FRMD4A: variants seen among roughly 807,000 people sequenced by gnomAD.
FRMD4A encodes FERM domain-containing protein 4A.
In FRMD4A, 29 loss-of-function variants were observed where a neutral mutation model predicts 129.1. That is an observed-to-expected ratio of 0.22 (90% CI 0.17 to 0.31). The LOEUF is 0.31. Among genes scored for constraint, FRMD4A ranks in the 10% least tolerant of loss-of-function variants. The pLI, the probability that FRMD4A is intolerant of heterozygous loss-of-function variation, is 1.00. For missense variants in FRMD4A, 1,272 were observed against 1,375.8 expected (o/e 0.92, Z 1.19); for synonymous variants, 634 against 571.6 (o/e 1.11, Z -1.56).
Position 13,646,938 on chromosome 10 carries a change from C to A in FRMD4A, c.*100G>T. On this transcript the variant is annotated 3_prime_UTR_variant, in exon 25 of 25. Transcript: ENST00000357447. ...TCAGATTAGGCCGGGCTGGCTCACA[C>A]GAGGGTCCCGGGCTTGGCTTTTTCC... 1 of 966,810 alleles carries A rather than the reference C, an allele frequency of 1.0e-6. No homozygotes were observed. The highest frequency in any genetic ancestry group is 1.2e-6 in the Non-Finnish European group (1 of 812,442). The allele number at this position is 966,810 out of a possible 1,614,324, so 59.9% of individuals were successfully genotyped here.
rs78402448 is a variant in FRMD4A at position 13,895,342 on chromosome 10, G to T, written c.46-36430C>A. ...TTATAAATGAGAACATGCAGAATTTGGTTTCTTCCTATGTTAGTTTGCTAA... is the reference window on the plus strand; with the variant it reads ...TTATAAATGAGAACATGCAGAATTTTGTTTCTTCCTATGTTAGTTTGCTAA... On this transcript the variant is annotated intron_variant, in intron 2 of 24. Coordinates refer to ENST00000357447, the MANE Select transcript of FRMD4A (RefSeq NM_018027.5). Among the ~76,000 whole-genome samples the T allele has an allele frequency of 5.7e-3, 874 of 152,178 alleles. 6 individuals carry two copies. The highest frequency in any genetic ancestry group is 9.6e-3 in the Non-Finnish European group (653 of 68,000).
chr10:13,931,986 C>CCAAG (rs1254467362), intron 2 of FRMD4A, among the ~76,000 whole-genome samples: 1 of 151,972 alleles, frequency 6.6e-6, no homozygotes, highest in African/African-American at 2.4e-5. Flanking sequence ...AACAAACCAA[C>CCAAG]CAACCAACCC....
chr10:13,702,125 G>A (rs371524875), intron 13 of FRMD4A, among the ~76,000 whole-genome samples: 18 of 152,214 alleles, frequency 1.2e-4, no homozygotes, highest in African/African-American at 4.1e-4. Flanking sequence ...AGGCTGGAGC[G>A]TGCTGGCAAG....
intron 2 of FRMD4A, among the ~76,000 whole-genome samples, chr10:13,904,059 C>T (rs1394160269): frequency 6.6e-6 from 1 of 152,314 alleles, no homozygotes; most frequent in East Asian, 1.9e-4. Flanking sequence ...ATCTCTCACA[C>T]CCCGAGTGAA....
chr10:13,747,700 G>A, intron 9 of FRMD4A, 36 bp downstream of exon 9: 1 of 1,130,488 alleles, frequency 8.8e-7, no homozygotes, highest in Admixed American at 1.7e-5. Context: ...CACCCCGAGA[G>A]GGACTCGCTC....
intron 2 of FRMD4A, among the ~76,000 whole-genome samples, chr10:13,953,986 C>T (rs78023204): frequency 0.017 from 2,572 of 152,260 alleles, 33 homozygotes; most frequent in Non-Finnish European, 0.029. Flanking sequence ...CAAAGAATCA[C>T]CATAGGGCAG....
chr10:13,901,326 G>A (rs1047835274), intron 2 of FRMD4A, among the ~76,000 whole-genome samples: 1 of 152,196 alleles, frequency 6.6e-6, no homozygotes, highest in African/African-American at 2.4e-5. Flanking sequence ...ATGGAGGCTG[G>A]GTGTGGTGGC....
At chr10:13,868,299 C>G (rs1294694088) in intron 2 of FRMD4A, among the ~76,000 whole-genome samples, 1 of 151,942 alleles carries the variant, frequency 6.6e-6, no homozygotes, top group Non-Finnish European at 1.5e-5. Flanking sequence ...TTTATGATAA[C>G]TTTTCCCTCT....
At position 14,119,396 on chromosome 10, in the gene FRMD4A, G is replaced by A. The variant is rs141178779; in HGVS notation, c.45+210662C>T. 2.0e-3 allele frequency among the ~76,000 whole-genome samples: 302 copies of A among 152,314 alleles called. 1 individual carries two copies. The highest frequency in any genetic ancestry group is 7.0e-3 in the African/African-American group (290 of 41,564). On this transcript the variant is annotated intron_variant, in intron 2 of 24. Transcript: ENST00000357447. ...GGGGCCAAACCCCAGGTACCTGAACGAGGAGAAGGGACAGAGTGAAATGCC... is the reference window on the plus strand; with the variant it reads ...GGGGCCAAACCCCAGGTACCTGAACAAGGAGAAGGGACAGAGTGAAATGCC...
intron 2 of FRMD4A, among the ~76,000 whole-genome samples, chr10:13,976,629 G>A (rs1012342662): frequency 6.6e-6 from 1 of 152,050 alleles, no homozygotes; most frequent in African/African-American, 2.4e-5. Flanking sequence ...AAAGGAATAG[G>A]AAAAACTCAG....
chr10:13,940,473 A>T (rs1378142517), intron 2 of FRMD4A, among the ~76,000 whole-genome samples: 1 of 152,188 alleles, frequency 6.6e-6, no homozygotes, highest in Non-Finnish European at 1.5e-5. Context: ...ATTTAATTGG[A>T]TGCCATACAT....
At chr10:14,222,004 C>T (rs12248885) in intron 2 of FRMD4A, among the ~76,000 whole-genome samples, 1,658 of 152,206 alleles carry the variant, frequency 0.011, 31 homozygotes, top group African/African-American at 0.039. Context: ...GTAGGTTTTG[C>T]GGTCTCTGTC....
At chr10:14,067,001 T>C (rs1384092400) in intron 2 of FRMD4A, among the ~76,000 whole-genome samples, 5 of 152,092 alleles carry the variant, frequency 3.3e-5, no homozygotes, top group Admixed American at 3.3e-4. Context: ...AAACTTGCAA[T>C]GGAATAAGTC....
intron 2 of FRMD4A, among the ~76,000 whole-genome samples, chr10:13,990,005 C>G (rs2095597746): frequency 6.6e-6 from 1 of 152,142 alleles, no homozygotes; most frequent in African/African-American, 2.4e-5. Flanking sequence ...AGGTTAGACC[C>G]CCATTTAGAT....
chr10:13,721,297 C>A (rs1182504942), intron 12 of FRMD4A, among the ~76,000 whole-genome samples: 3 of 152,262 alleles, frequency 2.0e-5, no homozygotes, highest in Admixed American at 2.0e-4. Flanking sequence ...CCCTGGCCAA[C>A]ATGGTGAAAC....
intron 2 of FRMD4A, among the ~76,000 whole-genome samples, chr10:13,990,257 T>C (rs929890580): frequency 6.6e-6 from 1 of 152,226 alleles, no homozygotes; most frequent in Non-Finnish European, 1.5e-5. Flanking sequence ...TATTCTTGGC[T>C]GTGCTTCTGG....
At position 13,859,311 on chromosome 10, in the gene FRMD4A, G is replaced by C. The variant is rs571439374; in HGVS notation, c.46-399C>G. 3.7e-4 allele frequency among the ~76,000 whole-genome samples: 56 copies of C among 152,224 alleles called. 1 individual carries two copies. Among genetic ancestry groups the C allele is most frequent in the Non-Finnish European group, 5.1e-4 (35 of 68,012 alleles). On this transcript the variant is annotated intron_variant, in intron 2 of 24. Coordinates refer to ENST00000357447, the MANE Select transcript of FRMD4A (RefSeq NM_018027.5). ...AGGCAGGAGAATCGCTTGAACCCAG[G>C]AGGTGGAGGTTGCAGTGAGCCGAGA... is the stretch of plus-strand genomic sequence containing the variant.
intron 2 of FRMD4A, among the ~76,000 whole-genome samples, chr10:14,149,412 T>C (rs1288916337): frequency 6.6e-6 from 1 of 152,180 alleles, no homozygotes; most frequent in African/African-American, 2.4e-5. Context: ...TGATCATAGC[T>C]CACTGTGGTC....
At chr10:14,119,069 C>A (rs1052862724) in intron 2 of FRMD4A, among the ~76,000 whole-genome samples, 1 of 152,092 alleles carries the variant, frequency 6.6e-6, no homozygotes, top group Non-Finnish European at 1.5e-5. Flanking sequence ...ACTGAGCATG[C>A]AGATCAAGGA....
Sources: gnomAD v4.1 joint callset for allele counts (sites outside exome capture counted in the v4.1 genomes callset) on GRCh38, gnomAD v4.1.1 for gene constraint, MANE v1.5 for transcripts, NCBI Gene and HGNC (gene_info 2026-07-23, HGNC 2026-07-21) for gene names.